The following ADGRL2 variants were observed in gnomAD, a reference collection of about 807,000 sequenced individuals.
ADGRL2 encodes the protein calcium-independent alpha-latrotoxin receptor 2.
A neutral mutation model predicts 157.4 loss-of-function variants in ADGRL2; 44 were observed. That is an observed-to-expected ratio of 0.28 (90% CI 0.22 to 0.36). The LOEUF (loss-of-function observed/expected upper bound fraction) is 0.36, where lower values mean the gene tolerates loss of function less well. Ranked by LOEUF, ADGRL2 falls within the 10% of genes least tolerant of loss-of-function variation. ADGRL2 has a pLI of 1.00. For missense variants in ADGRL2, 1,510 were observed against 1,768.9 expected, an observed-to-expected ratio of 0.85 and a Z score of 2.63; for synonymous variants, 585 against 624.7, an observed-to-expected ratio of 0.94 and a Z score of 0.95.
intron 2 of ADGRL2, among the ~76,000 whole-genome samples, chr1:81,519,662 C>T (rs1288236599): frequency 6.6e-6 from 1 of 152,174 alleles, no homozygotes; most frequent in Non-Finnish European, 1.5e-5. Flanking sequence ...TATCTCCTTT[C>T]AAATGGCATC....
rs190206304 is a variant in ADGRL2, at chr1:81,442,655, C to T, written c.-301-2381C>T. Among the ~76,000 whole-genome samples the T allele has an allele frequency of 1.8e-4, 27 of 152,208 alleles. No homozygotes were observed. In the East Asian group the frequency reaches 4.5e-3, roughly 25 times the overall value. On this transcript the variant is annotated intron_variant, in intron 1 of 24. Transcript: ENST00000370721. Reference sequence around the variant, plus strand: ...GACCCTCACAGTAAAACATGGTACTCGGGAGCAAAATTCAGTATCAGTCAG... The same window carrying T: ...GACCCTCACAGTAAAACATGGTACTTGGGAGCAAAATTCAGTATCAGTCAG...
intron 2 of ADGRL2, among the ~76,000 whole-genome samples, chr1:81,777,949 G>A (rs183651997): frequency 7.9e-4 from 120 of 152,202 alleles, no homozygotes; most frequent in Admixed American, 2.7e-3. Context: ...CCCTTGAAAA[G>A]CCTTCCTCCA....
At chr1:81,952,958 T>G in intron 9 of ADGRL2, 29 bp from the exon 10 acceptor site, 2 of 1,587,204 alleles carry the variant, frequency 1.3e-6, no homozygotes, top group Non-Finnish European at 1.7e-6. Flanking sequence ...AAATCTAACC[T>G]CTGATTTTTC....
chr1:81,914,778 A>C (rs1487805833), intron 3 of ADGRL2, among the ~76,000 whole-genome samples: 1 of 152,202 alleles, frequency 6.6e-6, no homozygotes, highest in African/African-American at 2.4e-5. Context: ...CTCTGTGGCC[A>C]GTCTACTAAT....
rs2094993990 is a variant in ADGRL2, at chr1:81,922,084, TGAA to T, written c.288-14638_288-14636del. 2.0e-5 allele frequency among the ~76,000 whole-genome samples: 3 copies of T among 152,170 alleles called. No homozygotes were observed. In the South Asian group the frequency reaches 6.2e-4, roughly 32 times the overall value. On this transcript the variant is annotated intron_variant, in intron 3 of 23. Coordinates refer to ENST00000686636, the MANE Select transcript of ADGRL2 (RefSeq NM_001366006.2). ...ACCCCTCAAAGGCTCTGTAGTCTGG[TGAA>T]GAAGAGGAGATAATGTACAGAAATA...
At chr1:81,369,068 C>G (rs965386635) in intron 1 of ADGRL2, among the ~76,000 whole-genome samples, 1 of 151,896 alleles carries the variant, frequency 6.6e-6, no homozygotes, top group Non-Finnish European at 1.5e-5. Flanking sequence ...TGAATATTCA[C>G]TTTTGAATAA....
intron 2 of ADGRL2, among the ~76,000 whole-genome samples, chr1:81,884,013 T>C (rs1193329194): frequency 6.7e-6 from 1 of 149,616 alleles, no homozygotes; most frequent in Non-Finnish European, 1.5e-5. Context: ...TTTTTTAGGA[T>C]ACATGTCTTA....
chr1:81,929,343 G>A (rs953167696), intron 3 of ADGRL2, among the ~76,000 whole-genome samples: 1 of 152,072 alleles, frequency 6.6e-6, no homozygotes, highest in Non-Finnish European at 1.5e-5. Flanking sequence ...GGGAACGATG[G>A]GACAGTGAAG....
intron 2 of ADGRL2, among the ~76,000 whole-genome samples, chr1:81,904,423 G>C: frequency 6.6e-6 from 1 of 152,220 alleles, no homozygotes; most frequent in Non-Finnish European, 1.5e-5. Context: ...GTTGCTATAG[G>C]AAAATACTCA....
intron 2 of ADGRL2, among the ~76,000 whole-genome samples, chr1:81,469,431 A>C (rs1347186217): frequency 6.6e-6 from 1 of 152,138 alleles, no homozygotes; most frequent in Admixed American, 6.5e-5. Context: ...TTACAGACTC[A>C]CATCCACTCT....
intron 2 of ADGRL2, among the ~76,000 whole-genome samples, chr1:81,891,573 C>T (rs1476310807): frequency 6.6e-6 from 1 of 152,066 alleles, no homozygotes; most frequent in East Asian, 1.9e-4. Context: ...TTAAATTGAG[C>T]ATTACATGTT....
intron 1 of ADGRL2, among the ~76,000 whole-genome samples, chr1:81,357,537 A>G (rs556672527): frequency 6.6e-6 from 1 of 152,242 alleles, no homozygotes; most frequent in African/African-American, 2.4e-5. Context: ...TTGTAGTGTG[A>G]TATCATGGAA....
At chr1:81,899,528 CA>C (rs2094452019) in intron 2 of ADGRL2, among the ~76,000 whole-genome samples, 1 of 152,060 alleles carries the variant, frequency 6.6e-6, no homozygotes, top group African/African-American at 2.4e-5. Context: ...ATCATTTGTT[CA>C]GAGAGGAGAA....
chr1:81,693,710 C>T (rs900828274), intron 3 of ADGRL2, among the ~76,000 whole-genome samples: 1 of 152,104 alleles, frequency 6.6e-6, no homozygotes, highest in Non-Finnish European at 1.5e-5. Context: ...AGTTTCTTTA[C>T]CACTTTGGTT....
intron 2 of ADGRL2, among the ~76,000 whole-genome samples, chr1:81,529,194 G>A (rs2079543368): frequency 6.6e-6 from 1 of 152,180 alleles, no homozygotes; most frequent in African/African-American, 2.4e-5. Context: ...AGGGAAGTAG[G>A]AGCTGTGACC....
intron 3 of ADGRL2, among the ~76,000 whole-genome samples, chr1:81,581,432 C>G (rs926948626): frequency 6.6e-6 from 1 of 152,126 alleles, no homozygotes; most frequent in South Asian, 2.1e-4. Context: ...AAAGAGTAAA[C>G]TAGGTTATCT....
intron 6 of ADGRL2, among the ~76,000 whole-genome samples, chr1:81,946,249 A>T (rs1649788760): frequency 6.6e-6 from 1 of 151,798 alleles, no homozygotes; most frequent in Admixed American, 6.6e-5. Flanking sequence ...TGGACTGTTT[A>T]ATAATATATT....
At chr1:81,751,851 C>G (rs910484985) in intron 1 of ADGRL2, among the ~76,000 whole-genome samples, 5 of 152,060 alleles carry the variant, frequency 3.3e-5, no homozygotes, top group Non-Finnish European at 7.4e-5. Flanking sequence ...GTCATTACAA[C>G]AATTTTGTGA....
chr1:81,422,404 C>A (rs1177130489), intron 1 of ADGRL2, among the ~76,000 whole-genome samples: 1 of 152,196 alleles, frequency 6.6e-6, no homozygotes, highest in Non-Finnish European at 1.5e-5. Context: ...GCCACCATGC[C>A]TGGCCAATTT....
Sources: gnomAD v4.1 joint callset for allele counts (sites outside exome capture counted in the v4.1 genomes callset) on GRCh38, gnomAD v4.1.1 for gene constraint, MANE v1.5 for transcripts, NCBI Gene and HGNC (gene_info 2026-07-23, HGNC 2026-07-21) for gene names.